The following CFAP74 variants were observed in gnomAD, a reference collection of about 807,000 sequenced individuals.
The protein encoded by CFAP74 is cilia and flagella associated protein 74.
A neutral mutation model predicts 188.9 loss-of-function variants in CFAP74; 124 were observed. That is an observed-to-expected ratio of 0.66 (90% confidence interval 0.57 to 0.76). The LOEUF (loss-of-function observed/expected upper bound fraction) is 0.76. Among genes scored for constraint, CFAP74 ranks in the 30% least tolerant of loss-of-function variants. The probability of loss-of-function intolerance (pLI) is 0.00; values close to 1 mark genes in which losing one functional copy is unlikely to be tolerated. For synonymous variants in CFAP74, 956 were observed against 916.7 expected (o/e 1.04, Z -0.77); for missense variants, 2,198 against 2,165.2 (o/e 1.02, Z -0.30).
chr1:1,953,340 G>A (rs1305317730), intron 18 of CFAP74: 1 of 150,386 alleles, frequency 6.6e-6, no homozygotes, highest in Admixed American at 6.6e-5. Flanking sequence ...TTATAGGCCA[G>A]GCTGGAGTGC....
chr1:1,925,871 A>T lies in CFAP74; in HGVS notation c.4016T>A (p.Val1339Glu), dbSNP rs771499865. 1.6e-5 allele frequency: 25 copies of T among 1,612,574 alleles called. No homozygotes were observed. The highest frequency in any genetic ancestry group is 2.0e-5 in the Non-Finnish European group (24 of 1,179,906). Reference protein sequence around the residue: ...TLTLTLMGTGVASMITCSIEG... With the variant: ...TLTLTLMGTGEASMITCSIEG... ...AATGGAGCACGTGATCATGGACGCC[A>T]CGCCAGTGCCCATGAGGGTGAGGGT... Residue 1339 changes from valine to glutamate, a missense_variant, in exon 33 of 39, where the codon GTG becomes GAG. Val to Glu is a moderately radical substitution (Grantham distance 121). Transcript: ENST00000682832.
intron 22 of CFAP74, among the ~76,000 whole-genome samples, chr1:1,941,549 G>C (rs1332909990): frequency 6.6e-6 from 1 of 152,238 alleles, no homozygotes; most frequent in Non-Finnish European, 1.5e-5. Context: ...AGGAGCAAAT[G>C]TCAGGTGTGC....
chr1:1,947,193 T>A, intron 18 of CFAP74, 139 bp from the exon 19 acceptor site: 1 of 681,100 alleles, frequency 1.5e-6, no homozygotes, highest in South Asian at 1.9e-5. Flanking sequence ...GCCATCCGTG[T>A]GGCCCCTTGG....
In CFAP74 at chr1:1,973,753, G is replaced by T. The variant is rs1039512427; in HGVS notation, c.674+272C>A. ...AAAGGGGAGGGGCAGTCTTGCTGGA[G>T]CGTGGCTTTAGTAGCCAGCTTTAGC... On this transcript the variant is annotated intron_variant, in intron 7 of 38. Transcript: ENST00000682832. This position sits in a 1 kb window ranked among gnomAD's most constrained non-coding sequence, Gnocchi z 6.2. Among the ~76,000 whole-genome samples, 4 of 152,228 alleles carry T rather than the reference G, an allele frequency of 2.6e-5. 1 individual carries two copies. In the South Asian group the frequency reaches 8.3e-4, roughly 32 times the overall value.
Position 1,981,592 on chromosome 1 carries a change from G to T in CFAP74, c.500+3794C>A, listed in dbSNP as rs1310383855. Among the ~76,000 whole-genome samples the T allele has an allele frequency of 1.9e-4, 19 of 101,178 alleles. 2 individuals carry two copies. The highest frequency in any genetic ancestry group is 1.4e-3 in the Admixed American group (16 of 11,292). The allele number at this position is 101,178 out of a possible 152,430, so 66.4% of individuals were successfully genotyped here. On this transcript the variant is annotated intron_variant, in intron 6 of 38. Coordinates refer to ENST00000682832, the MANE Select transcript of CFAP74 (RefSeq NM_001304360.2). The stretch of plus-strand genomic sequence containing the variant: ...GACACCCAGCCGTGGACAGACACGG[G>T]GACACGCAGGACACACAGCCGCGGA...
intron 18 of CFAP74, chr1:1,953,213 A>G (rs1654308905): frequency 6.6e-6 from 1 of 152,198 alleles, no homozygotes; most frequent in Non-Finnish European, 1.5e-5. Flanking sequence ...TGGCTCTGGC[A>G]TAAGAATAAT....
chr1:1,932,257 C>T (rs1343060766), intron 25 of CFAP74, among the ~76,000 whole-genome samples: 3 of 151,072 alleles, frequency 2.0e-5, no homozygotes, highest in African/African-American at 4.9e-5. Context: ...ATTAGCCAGG[C>T]GTGGTGGTGG....
At chr1:1,955,164 G>A (rs1208569465) in intron 18 of CFAP74, 3 of 1,285,200 alleles carry the variant, frequency 2.3e-6, no homozygotes, top group Non-Finnish European at 3.0e-6. Context: ...AAGACAGACA[G>A]GAGGAGGACG....
At position 1,968,101 on chromosome 1, in the gene CFAP74, G is replaced by A. The variant is rs1192177677; in HGVS notation, c.1245+534C>T. 1.3e-5 allele frequency among the ~76,000 whole-genome samples: 2 copies of A among 151,912 alleles called. No individual in the cohort carries two copies. The highest frequency in any genetic ancestry group is 4.9e-5 in the African/African-American group (2 of 41,210). ...ATGAGTAAAGAGTGAATGAGTGAAT[G>A]AATGAGTGAATGAATGAAGAATGAG... On this transcript the variant is annotated intron_variant, in intron 11 of 38. Transcript: ENST00000682832. The surrounding 1 kb of genome is among the most constrained non-coding windows in gnomAD (Gnocchi z 4.3).
At chr1:1,943,304 G>A (rs936432873) in intron 21 of CFAP74, among the ~76,000 whole-genome samples, 5 of 152,200 alleles carry the variant, frequency 3.3e-5, no homozygotes, top group Admixed American at 1.3e-4. Context: ...AGACTCCACC[G>A]CAGACACGCC....
chr1:1,952,837 TA>T (rs1654289451), intron 18 of CFAP74, among the ~76,000 whole-genome samples: 1 of 151,912 alleles, frequency 6.6e-6, no homozygotes, highest in South Asian at 2.1e-4. Flanking sequence ...AAAAAACTTT[TA>T]GTAGAGATGG....
chr1:2,002,891 T>C (rs982786534), intron 1 of CFAP74, among the ~76,000 whole-genome samples: 1 of 150,840 alleles, frequency 6.6e-6, no homozygotes, highest in Non-Finnish European at 1.5e-5. Context: ...CATGCATAGG[T>C]AGTAAAACTA....
rs1652239643 is a variant in CFAP74, at chr1:1,930,066, T to G, written c.3282A>C (p.Pro1094=). ...ATGTGGGGCCCACACCCACCTTTCCTGGCCACACGGTCCCCACTGAGGGCG... is the reference window on the plus strand; with the variant it reads ...ATGTGGGGCCCACACCCACCTTTCCGGGCCACACGGTCCCCACTGAGGGCG... ...TISPSVGTVW[P]GKRCLVQVAF... The change falls in exon 26 of 39, where the codon CCA becomes CCC. Residue 1094 remains proline (P), a synonymous_variant. Coordinates refer to ENST00000682832, the MANE Select transcript of CFAP74 (RefSeq NM_001304360.2). 3.3e-6 allele frequency: 5 copies of G among 1,518,890 alleles called. No individual in the cohort carries two copies. The highest frequency in any genetic ancestry group is 2.0e-5 in the Admixed American group (1 of 50,506). The allele number at this position is 1,518,890 out of a possible 1,614,324, so 94.1% of individuals were successfully genotyped here. A position where few individuals can be genotyped will look rare whatever the true frequency, so the allele number is the denominator to read the frequency against.
rs1386930531 is a variant in CFAP74, at chr1:1,923,570, C to A, written c.4390-71G>T. On this transcript the variant is annotated intron_variant, in intron 35 of 38. Coordinates refer to ENST00000682832, the MANE Select transcript of CFAP74 (RefSeq NM_001304360.2). The surrounding 1 kb of genome is among the most constrained non-coding windows in gnomAD (Gnocchi z 6.3). ...AGGGGTCCTGCTGGTGAGAGCTGGG[C>A]TGGCTCAGGGAAGGAAGCAGGGACG... 1.3e-6 allele frequency: 2 copies of A among 1,574,572 alleles called. No individual in the cohort carries two copies. The highest frequency in any genetic ancestry group is 1.7e-6 in the Non-Finnish European group (2 of 1,158,564).
chr1:2,001,484 C>A (rs540342538), intron 1 of CFAP74, among the ~76,000 whole-genome samples: 43 of 152,252 alleles, frequency 2.8e-4, no homozygotes, highest in African/African-American at 9.9e-4. Flanking sequence ...CAACCGCCAC[C>A]ACACCTGGCT....
In CFAP74 at chr1:1,971,042, C is replaced by T. The variant is rs371801538; in HGVS notation, c.889-226G>A. Among the ~76,000 whole-genome samples the T allele has an allele frequency of 3.1e-3, 465 of 150,302 alleles. 4 individuals are homozygous for T. The highest frequency in any genetic ancestry group is 0.011 in the African/African-American group (438 of 40,566). On this transcript the variant is annotated intron_variant, in intron 9 of 38. Transcript: ENST00000682832. ...CACATCACACATGCACACCTGCACA[C>T]ACGTGCACACACATGCTCACACACG...
At chr1:1,988,277 C>T (rs938375368) in intron 4 of CFAP74, 26 of 647,952 alleles carry the variant, frequency 4.0e-5, no homozygotes, top group Middle Eastern at 2.7e-4. Context: ...CTCTGGGTGG[C>T]GCTGGGGGCA....
Position 1,922,594 on chromosome 1 carries a change from AG to A in CFAP74, c.4812del (p.Phe1605LeufsTer15), listed in dbSNP as rs772869095. ...TGGAGCCCAAAGGCACCTACATCAAAGTCCGCAGGTGGCACCCAGGAGATGC... is the reference window on the plus strand; with the variant it reads ...TGGAGCCCAAAGGCACCTACATCAAATCCGCAGGTGGCACCCAGGAGATGC... Reference protein sequence around the residue: ...TISISWVPPADFDPDHPLMVS... With the variant: ...TISISWVPPAXFDPDHPLMVS... On this transcript the variant is annotated frameshift_variant, in exon 38 of 39. Coordinates refer to ENST00000682832, the MANE Select transcript of CFAP74 (RefSeq NM_001304360.2). LOFTEE classifies it high-confidence loss of function. 1.9e-6 allele frequency: 3 copies of A among 1,607,738 alleles called. No homozygotes were observed. In the Admixed American group the frequency reaches 5.0e-5, roughly 27 times the overall value.
chr1:1,935,268 ATG>A, intron 25 of CFAP74, among the ~76,000 whole-genome samples: 1 of 84,424 alleles, frequency 1.2e-5, no homozygotes, highest in Admixed American at 1.4e-4. Context: ...ACACGTGTGT[ATG>A]TGGGTGTTAG....
Sources: allele counts gnomAD v4.1 joint callset (sites outside exome capture counted in the v4.1 genomes callset), GRCh38; gene constraint gnomAD v4.1.1; non-coding constraint Gnocchi (gnomAD v3.1); transcripts MANE v1.5; gene names NCBI Gene and HGNC (gene_info 2026-07-23, HGNC 2026-07-21).